PARD3B: variants seen among roughly 807,000 people sequenced by gnomAD.
The protein encoded by PARD3B is partitioning defective 3 homolog B.
In PARD3B, 103 loss-of-function variants were observed where a neutral mutation model predicts 130.2. That is an observed-to-expected ratio of 0.79 (90% CI 0.67 to 0.93). The LOEUF is 0.93. PARD3B is among the 40% of genes least tolerant of loss of function. PARD3B has a pLI of 0.00. For synonymous variants in PARD3B, 583 were observed against 553.2 expected, an observed-to-expected ratio of 1.05 and a Z score of -0.76; for missense variants, 1,609 against 1,499.2, an observed-to-expected ratio of 1.07 and a Z score of -1.21.
chr2:204,642,835 C>T (rs908512257), intron 1 of PARD3B, among the ~76,000 whole-genome samples: 9 of 151,208 alleles, frequency 6.0e-5, no homozygotes, highest in Admixed American at 3.3e-4. Context: ...ACCTCTCGGC[C>T]GGGCGCGGTG....
chr2:204,757,605 G>A (rs1267701572), intron 2 of PARD3B, among the ~76,000 whole-genome samples: 2 of 151,948 alleles, frequency 1.3e-5, no homozygotes, highest in Non-Finnish European at 2.9e-5. Context: ...GGGTTATTTT[G>A]GAATCTGATC....
chr2:205,360,220 T>C (rs2044339365), intron 18 of PARD3B, among the ~76,000 whole-genome samples: 1 of 151,962 alleles, frequency 6.6e-6, no homozygotes, highest in South Asian at 2.1e-4. Flanking sequence ...AAATTCTTTA[T>C]TGACATCATT....
chr2:205,198,511 A>T lies in PARD3B; in HGVS notation c.2140+5191A>T, dbSNP rs146899640. Among the ~76,000 whole-genome samples the T allele has an allele frequency of 4.8e-3, 732 of 152,254 alleles. 7 individuals are homozygous for T. Among genetic ancestry groups the T allele is most frequent in the African/African-American group, 0.017 (691 of 41,558 alleles). ...TATTTTCTGTTAGTTACTTGCTCTA[A>T]TTTTTTTAAATTAGGAAATGTTTTT... On this transcript the variant is annotated intron_variant, in intron 15 of 22. Transcript: ENST00000406610.
chr2:204,678,452 T>G lies in PARD3B; in HGVS notation c.121-7729T>G, dbSNP rs2036658979. Among the ~76,000 whole-genome samples the G allele has an allele frequency of 6.6e-6, 1 of 152,056 alleles. No homozygotes were observed. The highest frequency in any genetic ancestry group is 6.6e-5 in the Admixed American group (1 of 15,266). On this transcript the variant is annotated intron_variant, in intron 1 of 22. Coordinates refer to ENST00000406610, the MANE Select transcript of PARD3B (RefSeq NM_001302769.2). This position sits in a 1 kb window ranked among gnomAD's most constrained non-coding sequence, Gnocchi z 4.2. ...CCAGGAAGAATCAGGTCACACGGAC[T>G]TGAAGGATGTTGAATGCAGAGGTTT... is the stretch of plus-strand genomic sequence containing the variant.
chr2:205,506,741 TCTC>T (rs1309693969), intron 21 of PARD3B, among the ~76,000 whole-genome samples: 1 of 152,240 alleles, frequency 6.6e-6, no homozygotes, highest in Non-Finnish European at 1.5e-5. Flanking sequence ...ATTTTCCTTG[TCTC>T]CTCCTTAAAA....
At chr2:205,441,721 G>A (rs1273987103) in intron 20 of PARD3B, among the ~76,000 whole-genome samples, 1 of 152,088 alleles carries the variant, frequency 6.6e-6, no homozygotes, top group Non-Finnish European at 1.5e-5. Flanking sequence ...GGAGAGGAAG[G>A]GAAATCATGG....
chr2:205,148,285 A>G (rs1044351104), intron 10 of PARD3B, among the ~76,000 whole-genome samples: 4 of 152,168 alleles, frequency 2.6e-5, no homozygotes, highest in Admixed American at 6.5e-5. Context: ...ACTATTTAGT[A>G]TAATAAAAAT....
chr2:205,002,443 A>G (rs1192525205), intron 3 of PARD3B, among the ~76,000 whole-genome samples: 1 of 152,174 alleles, frequency 6.6e-6, no homozygotes, highest in East Asian at 1.9e-4. Context: ...CTTTACCTGG[A>G]GGAAAACATT....
At chr2:205,389,367 A>T (rs1177262810) in intron 18 of PARD3B, among the ~76,000 whole-genome samples, 4 of 152,046 alleles carry the variant, frequency 2.6e-5, no homozygotes, top group Non-Finnish European at 5.9e-5. Flanking sequence ...TTATTTTATT[A>T]TTATTACTTT....
In PARD3B at chr2:205,146,490, A is replaced by C. The variant is rs2033368851; in HGVS notation, c.1435-12232A>C. On this transcript the variant is annotated intron_variant, in intron 10 of 22. Transcript: ENST00000406610. This position sits in a 1 kb window ranked among gnomAD's most constrained non-coding sequence, Gnocchi z 4.3. ...CGGCAAAACCCCGTCTCTACTAAAA[A>C]TACAAAAACATTTATCTGGGCGTGG... Among the ~76,000 whole-genome samples the C allele has an allele frequency of 6.6e-6, 1 of 151,910 alleles. No individual in the cohort carries two copies. Among genetic ancestry groups the C allele is most frequent in the Non-Finnish European group, 1.5e-5 (1 of 68,022 alleles).
At chr2:205,414,541 A>G (rs1053529299) in intron 19 of PARD3B, among the ~76,000 whole-genome samples, 38 of 152,160 alleles carry the variant, frequency 2.5e-4, no homozygotes, top group African/African-American at 8.9e-4. Flanking sequence ...CTCCTTAAAA[A>G]TTACCTTGAT....
intron 2 of PARD3B, among the ~76,000 whole-genome samples, chr2:204,747,491 A>C (rs1277530677): frequency 6.6e-6 from 1 of 152,212 alleles, no homozygotes; most frequent in Non-Finnish European, 1.5e-5. Flanking sequence ...AGTATCGTGA[A>C]AATGGCCATA....
Position 205,125,595 on chromosome 2 carries a change from C to T in PARD3B, c.1306-14C>T, listed in dbSNP as rs1350879936. On this transcript the variant is annotated splice_polypyrimidine_tract_variant and intron_variant, in intron 9 of 22. Transcript: ENST00000406610. The surrounding 1 kb of genome is among the most constrained non-coding windows in gnomAD (Gnocchi z 4.0). ...TATTGTGATTGTGGCTGTTCATATGCTTTTATTCATTAGGTAAATGGGAGA... is the reference window on the plus strand; with the variant it reads ...TATTGTGATTGTGGCTGTTCATATGTTTTTATTCATTAGGTAAATGGGAGA... 1.2e-6 allele frequency: 2 copies of T among 1,613,134 alleles called. No homozygotes were observed. Among genetic ancestry groups the T allele is most frequent in the East Asian group, 4.5e-5 (2 of 44,844 alleles).
intron 2 of PARD3B, among the ~76,000 whole-genome samples, chr2:204,807,684 CAACATGGATAGAA>C (rs890064041): frequency 1.3e-5 from 2 of 152,084 alleles, no homozygotes; most frequent in Non-Finnish European, 2.9e-5. Context: ...CTATCATTTG[CAACATGGATAGAA>C]CTGGAGGACA....
intron 22 of PARD3B, among the ~76,000 whole-genome samples, chr2:205,583,353 TAGTC>T (rs2054065695): frequency 6.6e-6 from 1 of 151,696 alleles, no homozygotes; most frequent in African/African-American, 2.4e-5. Flanking sequence ...GCAAAGAAAT[TAGTC>T]ATCTCTCTCC....
intron 15 of PARD3B, among the ~76,000 whole-genome samples, chr2:205,205,187 A>G (rs1264113522): frequency 6.6e-6 from 1 of 152,046 alleles, no homozygotes; most frequent in East Asian, 1.9e-4. Context: ...TTGGATTCCT[A>G]GGTATTTTAT....
At chr2:204,572,895 C>G (rs2032075271) in intron 1 of PARD3B, among the ~76,000 whole-genome samples, 1 of 152,172 alleles carries the variant, frequency 6.6e-6, no homozygotes, top group South Asian at 2.1e-4. Context: ...TATAAAGCAC[C>G]ATGTCTCAGA....
In PARD3B at chr2:204,887,135, G is replaced by A. The variant is rs763959042; in HGVS notation, c.223-78017G>A. On this transcript the variant is annotated intron_variant, in intron 2 of 22. Coordinates refer to ENST00000406610, the MANE Select transcript of PARD3B (RefSeq NM_001302769.2). This position sits in a 1 kb window ranked among gnomAD's most constrained non-coding sequence, Gnocchi z 4.2. ...TTTGGTTCCTTTGTTTTTTATTTAG[G>A]GAAGTTATCTGTTCAATTGAGATGA... is the stretch of plus-strand genomic sequence containing the variant. 1.3e-5 allele frequency among the ~76,000 whole-genome samples: 2 copies of A among 151,842 alleles called. No individual in the cohort carries two copies. The highest frequency in any genetic ancestry group is 2.9e-5 in the Non-Finnish European group (2 of 67,974).
At chr2:204,741,078 C>A (rs995377105) in intron 2 of PARD3B, among the ~76,000 whole-genome samples, 1 of 151,992 alleles carries the variant, frequency 6.6e-6, no homozygotes, top group Non-Finnish European at 1.5e-5. Context: ...ATTTGAATAA[C>A]GCATAGTTTA....
Sources: allele counts gnomAD v4.1 joint callset (sites outside exome capture counted in the v4.1 genomes callset), GRCh38; gene constraint gnomAD v4.1.1; non-coding constraint Gnocchi (gnomAD v3.1); transcripts MANE v1.5; gene names NCBI Gene and HGNC (gene_info 2026-07-23, HGNC 2026-07-21).